Variants in TMEM80 observed in about 807,000 individuals in gnomAD.
TMEM80 encodes the protein transmembrane protein 80.
A neutral mutation model predicts 13.6 loss-of-function variants in TMEM80; 16 were observed. The observed-to-expected ratio is 1.17, with a 90% CI of 0.79 to 1.78. TMEM80 has a LOEUF of 1.78. Among genes scored for constraint, TMEM80 ranks in the 40% most tolerant of loss-of-function variants. TMEM80 has a pLI of 0.00. For synonymous variants in TMEM80, 92 were observed against 89.5 expected (o/e 1.03, Z -0.16); for missense variants, 167 against 184.6 (o/e 0.90, Z 0.55).
At chr11:695,782 G>T, upstream of TMEM80, 2 of 1,236,954 alleles carry the variant, frequency 1.6e-6, no homozygotes, top group Non-Finnish European at 2.0e-6. Flanking sequence ...CGCGCGGGCC[G>T]AGAGGCTGCC....
intron 4 of TMEM80, among the ~76,000 whole-genome samples, chr11:702,156 A>C (rs1023240307): frequency 6.6e-6 from 1 of 152,070 alleles, no homozygotes; most frequent in South Asian, 2.1e-4. Context: ...TCCTCTTGTT[A>C]TCAGGCCTCA....
intron 1 of TMEM80, among the ~76,000 whole-genome samples, chr11:698,307 G>T (rs981529746): frequency 6.6e-6 from 1 of 152,190 alleles, no homozygotes; most frequent in Non-Finnish European, 1.5e-5. Context: ...TCTCTCAGGT[G>T]GGGGTGGGAG....
At position 703,990 on chromosome 11, in the gene TMEM80, GTATC is replaced by G. The variant is rs748549653; in HGVS notation, c.*843_*846del. On this transcript the variant is annotated 3_prime_UTR_variant, in exon 5 of 5. Transcript: ENST00000397510. ...ATTTACTATCAGTTCTCCTTAAAAA[GTATC>G]TAAGCTGTTACAGTAGCTTTCCCTT... 5 of 1,224,132 alleles carry G rather than the reference GTATC, an allele frequency of 4.1e-6. No individual in the cohort carries two copies. The highest frequency in any genetic ancestry group is 5.1e-6 in the Non-Finnish European group (5 of 982,546). The allele number at this position is 1,224,132 out of a possible 1,614,324, so 75.8% of individuals were successfully genotyped here. A position where few individuals can be genotyped will look rare whatever the true frequency, so the allele number is the denominator to read the frequency against.
intron 1 of TMEM80, among the ~76,000 whole-genome samples, chr11:696,115 G>A (rs1861141524): frequency 6.6e-6 from 1 of 152,194 alleles, no homozygotes; most frequent in African/African-American, 2.4e-5. Flanking sequence ...CCAGTCCCCG[G>A]CAGCTCTTGT....
chr11:704,446 C>G, downstream of TMEM80: 1 of 1,289,150 alleles, frequency 7.8e-7, no homozygotes, highest in African/African-American at 1.5e-5. Flanking sequence ...CCCCAGTGGC[C>G]ACGGTGAGCT....
chr11:700,570 G>A (rs747095192), intron 3 of TMEM80, 45 bp from the exon 4 acceptor site: 2 of 1,471,164 alleles, frequency 1.4e-6, no homozygotes, highest in Admixed American at 1.7e-5. Context: ...GGCTGCTGCT[G>A]CTGTGCCAGG....
chr11:704,180 T>G, downstream of TMEM80: 1 of 1,068,648 alleles, frequency 9.4e-7, no homozygotes, highest in Non-Finnish European at 1.2e-6. Flanking sequence ...TCTCCTGCCC[T>G]GCAAGAGAGC....
intron 2 of TMEM80, chr11:699,231 T>C: frequency 2.7e-6 from 1 of 368,616 alleles, no homozygotes; most frequent in Non-Finnish European, 5.0e-6. Flanking sequence ...TTTGTTTGTT[T>C]ATGTTTTTTT....
chr11:700,001 G>A (rs911536541), intron 2 of TMEM80, 141 bp from the exon 3 acceptor site: 3 of 642,294 alleles, frequency 4.7e-6, no homozygotes, highest in Non-Finnish European at 8.2e-6. Context: ...CCTCAGATAG[G>A]CAGTGAGCCA....
chr11:701,345 C>T (rs1456769134), intron 4 of TMEM80, among the ~76,000 whole-genome samples: 6 of 151,312 alleles, frequency 4.0e-5, no homozygotes, highest in South Asian at 2.1e-4. Context: ...CCTGCCACCA[C>T]GCCCAGCTAA....
Position 700,226 on chromosome 11 carries a change from A to G in TMEM80, c.124A>G (p.Thr42Ala). The G allele has an allele frequency of 1.2e-6, 2 of 1,613,674 alleles. No homozygotes were observed. Among genetic ancestry groups the G allele is most frequent in the East Asian group, 2.2e-5 (1 of 44,872 alleles). Residue 42 changes from threonine (T) to alanine (A), a missense_variant, in exon 3 of 5, where the codon ACG becomes GCG. Coordinates refer to ENST00000397510, the MANE Select transcript of TMEM80 (RefSeq NM_001042463.3). ...TTTCCTCGCCACGCTCCTGATGATC[A>G]CGTATAAAAGTAAGTCAGGGACGGG... ...LYFLATLLMI[T>A]YKSQVFSYPH...
Position 703,876 on chromosome 11 carries a change from A to G in TMEM80, c.*726A>G. On this transcript the variant is annotated 3_prime_UTR_variant, in exon 5 of 5. Transcript: ENST00000397510. ...GAGAGCAGCGGAGGGCCACATTCGG[A>G]GCCTCCGTCCACTCCAGTTTTATCA... 8.1e-7 allele frequency: 1 copy of G among 1,236,940 alleles called. No homozygotes were observed. Among genetic ancestry groups the G allele is most frequent in the Non-Finnish European group, 1.0e-6 (1 of 991,734 alleles). The allele number at this position is 1,236,940 out of a possible 1,614,324, so 76.6% of individuals were successfully genotyped here. A position where few individuals can be genotyped will look rare whatever the true frequency, so the allele number is the denominator to read the frequency against.
Position 703,625 on chromosome 11 carries a change from C to A in TMEM80, c.*475C>A. On this transcript the variant is annotated 3_prime_UTR_variant, in exon 5 of 5. Transcript: ENST00000397510. ...CCAGGCCCCACCTGTGTTTCCAAGTCGGGCTGGAGACGCAGGATGGGGTAG... is the reference window on the plus strand; with the variant it reads ...CCAGGCCCCACCTGTGTTTCCAAGTAGGGCTGGAGACGCAGGATGGGGTAG... 8.1e-7 allele frequency: 1 copy of A among 1,232,730 alleles called. No homozygotes were observed. The allele number at this position is 1,232,730 out of a possible 1,614,324, so 76.4% of individuals were successfully genotyped here.
At chr11:700,468 A>G (rs1861399108) in intron 3 of TMEM80, 147 bp from the exon 4 acceptor site, 1 of 776,760 alleles carries the variant, frequency 1.3e-6, no homozygotes, top group South Asian at 1.6e-5. Context: ...TGGAGGTTCC[A>G]GTGAGCCAAG....
At position 703,190 on chromosome 11, in the gene TMEM80, C is replaced by G. The variant is rs1192351541; in HGVS notation, c.*40C>G. 3.3e-5 allele frequency: 51 copies of G among 1,564,444 alleles called. No individual in the cohort carries two copies. The highest frequency in any genetic ancestry group is 4.4e-5 in the Non-Finnish European group (51 of 1,149,700). ...GATACCCCACACTGGGGCCCTCCTC[C>G]TGGGCCTGACCAGTCCCCCAGCTGT... is the stretch of plus-strand genomic sequence containing the variant. On this transcript the variant is annotated 3_prime_UTR_variant, in exon 5 of 5. Coordinates refer to ENST00000397510, the MANE Select transcript of TMEM80 (RefSeq NM_001042463.3).
rs7482162 is a variant in TMEM80, at chr11:700,247, A to C, written c.133+12A>C. 1,090,339 of 1,609,358 alleles carry C rather than the reference A, an allele frequency of 0.68. 371,599 individuals carry two copies. The highest frequency in any genetic ancestry group is 0.93 in the East Asian group (41,824 of 44,852). ...GATCACGTATAAAAGTAAGTCAGGGACGGGCACAGTGGCTCACGCCTGTAA... is the reference window on the plus strand; with the variant it reads ...GATCACGTATAAAAGTAAGTCAGGGCCGGGCACAGTGGCTCACGCCTGTAA... On this transcript the variant is annotated intron_variant, in intron 3 of 4. Coordinates refer to ENST00000397510, the MANE Select transcript of TMEM80 (RefSeq NM_001042463.3).
At position 700,701 on chromosome 11, in the gene TMEM80, T is replaced by C; in HGVS notation, c.220T>C (p.Tyr74His). Residue 74 changes from tyrosine (Y) to histidine (H), a missense_variant, in exon 4 of 5, where the codon TAC (tyrosine) becomes CAC (histidine). Physicochemically the swap from Tyr to His is moderately conservative, Grantham distance 83. Coordinates refer to ENST00000397510, the MANE Select transcript of TMEM80 (RefSeq NM_001042463.3). ...GGGGATTCTAGAAGCAGTTCGGTTA[T>C]ACCTGGGTGAGTGGACTGTTAACAC... is the stretch of plus-strand genomic sequence containing the variant. ...LMGILEAVRL[Y>H]LGTRGNLTEA... 6.2e-7 allele frequency: 1 copy of C among 1,613,954 alleles called. No individual in the cohort carries two copies. Among genetic ancestry groups the C allele is most frequent in the Non-Finnish European group, 8.5e-7 (1 of 1,179,824 alleles).
upstream of TMEM80, chr11:695,666 G>C (rs1033447496): frequency 1.6e-5 from 20 of 1,244,718 alleles, no homozygotes; most frequent in Non-Finnish European, 2.0e-5. Context: ...GAGCGGTGCC[G>C]GACGGACTAA....
chr11:697,761 G>GCGATGCGGCGTGGCCTGCCGGT (rs1861266896), intron 1 of TMEM80: 2 of 152,112 alleles, frequency 1.3e-5, no homozygotes, highest in African/African-American at 4.8e-5. Flanking sequence ...GGCCTGCCGG[G>GCGATGCGGCGTGGCCTGCCGGT]AACGCGATGC....
Sources: gnomAD v4.1 joint callset for allele counts (sites outside exome capture counted in the v4.1 genomes callset) on GRCh38, gnomAD v4.1.1 for gene constraint, MANE v1.5 for transcripts, NCBI Gene and HGNC (gene_info 2026-07-23, HGNC 2026-07-21) for gene names.